HTT: variants seen among roughly 807,000 people sequenced by gnomAD.
The protein encoded by HTT is huntington disease protein.
HTT carries 104 observed loss-of-function variants against 362.3 expected under a neutral mutation model. The observed-to-expected ratio is 0.29, with a 90% CI of 0.24 to 0.34. The LOEUF (loss-of-function observed/expected upper bound fraction) is 0.34, where lower values mean the gene tolerates loss of function less well. HTT is among the 10% of genes least tolerant of loss of function. The pLI, the probability that HTT is intolerant of heterozygous loss-of-function variation, is 1.00. For synonymous variants in HTT, 1,577 were observed against 1,548.7 expected (o/e 1.02, Z -0.43); for missense variants, 3,301 against 3,928.6 (o/e 0.84, Z 4.27).
At chr4:3,181,775 A>T (rs1350894475) in intron 36 of HTT, among the ~76,000 whole-genome samples, 1 of 152,174 alleles carries the variant, frequency 6.6e-6, no homozygotes, top group East Asian at 1.9e-4. Flanking sequence ...AGGTGGTGGC[A>T]GGCAGAGCTG....
At chr4:3,182,532 A>G in intron 37 of HTT, 62 bp downstream of exon 37, 1 of 1,049,332 alleles carries the variant, frequency 9.5e-7, no homozygotes, top group Non-Finnish European at 1.5e-6. Flanking sequence ...TCCTTGTGAA[A>G]GGTGGGTGGC....
At chr4:3,090,502 A>G (rs1713443574) in intron 2 of HTT, among the ~76,000 whole-genome samples, 1 of 152,226 alleles carries the variant, frequency 6.6e-6, no homozygotes, top group Admixed American at 6.5e-5. Context: ...ACATAAATAT[A>G]CAAAAATCCA....
intron 29 of HTT, among the ~76,000 whole-genome samples, chr4:3,165,619 C>CT (rs1264739545): frequency 6.6e-6 from 1 of 152,042 alleles, no homozygotes; most frequent in Non-Finnish European, 1.5e-5. Context: ...TCTTTTCACT[C>CT]TTTTTTCTCT....
intron 36 of HTT, among the ~76,000 whole-genome samples, chr4:3,181,283 C>T (rs1054994149): frequency 2.0e-5 from 3 of 152,096 alleles, no homozygotes; most frequent in Admixed American, 6.5e-5. Flanking sequence ...TTTTCCAAAA[C>T]GAGGACCAAA....
intron 37 of HTT, among the ~76,000 whole-genome samples, chr4:3,184,989 T>C (rs1158673487): frequency 6.6e-6 from 1 of 152,090 alleles, no homozygotes; most frequent in Non-Finnish European, 1.5e-5. Context: ...GTCAGCACCT[T>C]GGGAACTTGG....
chr4:3,098,141 GCA>G (rs1713958524), intron 2 of HTT, among the ~76,000 whole-genome samples: 1 of 152,232 alleles, frequency 6.6e-6, no homozygotes, highest in Non-Finnish European at 1.5e-5. Flanking sequence ...CTGCTTTGGA[GCA>G]CAGTGTTTGA....
At chr4:3,157,246 C>G in intron 28 of HTT, 47 bp downstream of exon 28, 13 of 1,521,592 alleles carry the variant, frequency 8.5e-6, no homozygotes, top group Non-Finnish European at 1.2e-5. Flanking sequence ...CACATACTTA[C>G]GTCTAATGGA....
intron 41 of HTT, chr4:3,203,107 T>A (rs1243181529): frequency 6.6e-6 from 1 of 152,190 alleles, no homozygotes; most frequent in Admixed American, 6.5e-5. Context: ...TGCCCACGCG[T>A]CGGTGGCTCG....
intron 36 of HTT, 119 bp from the exon 37 acceptor site, chr4:3,182,235 C>T (rs1374091482): frequency 1.5e-6 from 1 of 661,630 alleles, no homozygotes; most frequent in African/African-American, 1.8e-5. Context: ...TCGCTGGGAT[C>T]ACATCTGTTT....
intron 6 of HTT, among the ~76,000 whole-genome samples, chr4:3,114,805 T>G (rs1276716757): frequency 6.6e-6 from 1 of 152,240 alleles, no homozygotes; most frequent in Non-Finnish European, 1.5e-5. Flanking sequence ...CCCTAATTTC[T>G]TAGGAGAACA....
intron 40 of HTT, among the ~76,000 whole-genome samples, chr4:3,195,586 A>C (rs1170669685): frequency 2.0e-5 from 3 of 152,110 alleles, no homozygotes; most frequent in Non-Finnish European, 4.4e-5. Flanking sequence ...GGGAGGTTCC[A>C]CCGAGAAGCA....
chr4:3,229,818 T>C, intron 59 of HTT, 69 bp from the exon 60 acceptor site: 1 of 1,526,834 alleles, frequency 6.5e-7, no homozygotes, highest in East Asian at 2.3e-5. Context: ...GTAGTAGCGT[T>C]CTGGATGCGT....
chr4:3,107,184 G>A (rs1370668682), intron 5 of HTT, 101 bp from the exon 6 acceptor site: 2 of 1,227,872 alleles, frequency 1.6e-6, no homozygotes, highest in Admixed American at 2.1e-5. Flanking sequence ...ATTAGGGACT[G>A]TTGGAATATA....
chr4:3,222,260 T>G, intron 53 of HTT, 127 bp from the exon 54 acceptor site: 1 of 682,476 alleles, frequency 1.5e-6, no homozygotes. Context: ...TGTGTGAGGT[T>G]TAAGGGACTC....
chr4:3,215,360 G>A lies in HTT; in HGVS notation c.7054+149G>A, dbSNP rs547910391. On this transcript the variant is annotated intron_variant, in intron 51 of 66. Transcript: ENST00000355072. ...GCTGCTCCTCCCTAGCTGTCAGGGAGGCTGTAGTCCATTGCTTTGCCAGCT... is the reference window on the plus strand; with the variant it reads ...GCTGCTCCTCCCTAGCTGTCAGGGAAGCTGTAGTCCATTGCTTTGCCAGCT... 5.5e-5 allele frequency: 34 copies of A among 623,012 alleles called. 1 individual carries two copies. The highest frequency in any genetic ancestry group is 2.7e-4 in the South Asian group (14 of 50,944). The allele number at this position is 623,012 out of a possible 1,614,324, so 38.6% of individuals were successfully genotyped here.
chr4:3,191,553 A>C (rs557244397), intron 40 of HTT, among the ~76,000 whole-genome samples: 2 of 152,314 alleles, frequency 1.3e-5, no homozygotes, highest in East Asian at 3.9e-4. Context: ...ACAGAATGAA[A>C]ATGTCTTCGG....
At chr4:3,093,905 G>GTTTTTTTTTTTTTTTTTTTTT (rs67455911) in intron 2 of HTT, among the ~76,000 whole-genome samples, 19 of 23,898 alleles carry the variant, frequency 8.0e-4, no homozygotes, top group Non-Finnish European at 1.1e-3. Flanking sequence ...CTTTAAGTTG[G>GTTTTTTTTTTTTTTTTTTTTT]TTTTTTTTTT....
chr4:3,200,997 C>G (rs536037068), intron 41 of HTT, among the ~76,000 whole-genome samples: 6 of 152,342 alleles, frequency 3.9e-5, no homozygotes, highest in African/African-American at 1.4e-4. Flanking sequence ...AGCTCTGAAT[C>G]TGGGAATTGT....
rs539550737 is a variant in HTT at position 3,203,441 on chromosome 4, T to C, written c.5577-566T>C. 8.3e-4 allele frequency among the ~76,000 whole-genome samples: 126 copies of C among 152,318 alleles called. 1 individual carries two copies. The highest frequency in any genetic ancestry group is 1.4e-3 in the Non-Finnish European group (95 of 68,026). On this transcript the variant is annotated intron_variant, in intron 41 of 66. Coordinates refer to ENST00000355072, the MANE Select transcript of HTT (RefSeq NM_001388492.1). ...GACTAGAGCCAAGAGTCTCAAGGTT[T>C]ATAATTCCCACGTATTCAAAAAGAA...
Sources: gnomAD v4.1 joint callset for allele counts (sites outside exome capture counted in the v4.1 genomes callset) on GRCh38, gnomAD v4.1.1 for gene constraint, MANE v1.5 for transcripts, NCBI Gene and HGNC (gene_info 2026-07-23, HGNC 2026-07-21) for gene names.